Variants in KLHL13 observed in about 807,000 individuals in gnomAD.
KLHL13 encodes kelch like family member 13.
Under a neutral mutation model 37.1 loss-of-function variants are expected in KLHL13, and 10 were observed. That is an observed-to-expected ratio of 0.27 (90% confidence interval 0.17 to 0.46). The LOEUF is 0.46. Ranked by LOEUF, KLHL13 falls within the 20% of genes least tolerant of loss-of-function variation. The pLI is 1.00. For synonymous variants in KLHL13, 163 were observed against 181.2 expected, an observed-to-expected ratio of 0.90 and a Z score of 0.81; for missense variants, 360 against 509.3, an observed-to-expected ratio of 0.71 and a Z score of 2.82.
At chrX:117,971,528 C>T (rs1022780146) in intron 1 of KLHL13, among the ~76,000 whole-genome samples, 43 of 110,168 alleles carry the variant, frequency 3.9e-4, no homozygotes, top group African/African-American at 1.2e-3. Flanking sequence ...AAGTTTAACA[C>T]CCAAAGAGAT....
intron 1 of KLHL13, among the ~76,000 whole-genome samples, chrX:117,966,154 C>A (rs781325856): frequency 8.9e-6 from 1 of 111,791 alleles, no homozygotes; most frequent in Non-Finnish European, 1.9e-5. Context: ...ATCTAGAAAA[C>A]CCCATTGTCT....
chrX:118,003,254 A>C (rs5956842), intron 1 of KLHL13, among the ~76,000 whole-genome samples: 17,452 of 111,735 alleles, frequency 0.16, 1,802 homozygotes, highest in African/African-American at 0.38. Flanking sequence ...TAGTGGCTCA[A>C]GCCTGTAATC....
At chrX:117,970,887 A>T (rs1326004092) in intron 1 of KLHL13, among the ~76,000 whole-genome samples, 2 of 111,810 alleles carry the variant, frequency 1.8e-5, no homozygotes, top group Non-Finnish European at 3.8e-5. Context: ...GTCTGTTACA[A>T]TGTCAAAATA....
At chrX:117,981,779 A>AT (rs746778908) in intron 1 of KLHL13, among the ~76,000 whole-genome samples, 2 of 111,852 alleles carry the variant, frequency 1.8e-5, no homozygotes, top group African/African-American at 6.5e-5. Flanking sequence ...ACAGAACAAC[A>AT]TAACATGTAT....
chrX:118,067,922 CATTT>C (rs974704975), intron 1 of KLHL13, among the ~76,000 whole-genome samples: 2 of 111,849 alleles, frequency 1.8e-5, no homozygotes, highest in African/African-American at 6.5e-5. Context: ...GTAACACAGT[CATTT>C]ATTATCAAGT....
At chrX:117,937,385 CA>C (rs1310738950) in intron 2 of KLHL13, among the ~76,000 whole-genome samples, 4 of 111,651 alleles carry the variant, frequency 3.6e-5, no homozygotes, top group African/African-American at 1.3e-4. Context: ...AAATTATCTT[CA>C]AGTAACACAA....
At position 118,052,697 on chromosome X, in the gene KLHL13, C is replaced by T. The variant is rs748110323; in HGVS notation, c.-56+63811G>A. ...AACAAAATACAAAAAATTAGCTGGG[C>T]GCACCTGTAATCGCAGCTACTCAGG... On this transcript the variant is annotated intron_variant, in intron 1 of 6. Coordinates refer to the KLHL13 transcript ENST00000371882. Among the ~76,000 whole-genome samples, 11 of 108,635 alleles carry T rather than the reference C, an allele frequency of 1.0e-4. No homozygotes were observed. The East Asian group carries it at 2.6e-3, about 26-fold the overall frequency. The allele number at this position is 108,635 out of a possible 115,157, so 94.3% of individuals were successfully genotyped here.
upstream of KLHL13, among the ~76,000 whole-genome samples, chrX:118,117,081 G>A (rs2148202715): frequency 8.8e-6 from 1 of 113,167 alleles, no homozygotes; most frequent in South Asian, 3.6e-4. Flanking sequence ...GCTCTGGTGT[G>A]AGCCCACATG....
Position 117,964,731 on chromosome X carries a change from T to TC in KLHL13, c.98+7999dup, listed in dbSNP as rs200912719. ...TAGGCATATCTCCTAATGCTATCCA[T>TC]CCCCCCTTCCCCCACCCCATAACAG... On this transcript the variant is annotated intron_variant, in intron 1 of 6. Transcript: ENST00000262820. Among the ~76,000 whole-genome samples, 1,009 of 110,929 alleles carry TC rather than the reference T, an allele frequency of 9.1e-3. 17 individuals carry two copies. The highest frequency in any genetic ancestry group is 0.031 in the African/African-American group (935 of 30,454).
At chrX:117,910,620 T>A (rs952939912) in intron 4 of KLHL13, among the ~76,000 whole-genome samples, 5 of 111,835 alleles carry the variant, frequency 4.5e-5, no homozygotes, top group African/African-American at 1.6e-4. Context: ...TATCATTCAT[T>A]TTGGTTCCTT....
At chrX:117,908,189 T>C (rs923562373) in intron 5 of KLHL13, among the ~76,000 whole-genome samples, 1 of 108,851 alleles carries the variant, frequency 9.2e-6, no homozygotes, top group Non-Finnish European at 1.9e-5. Context: ...GCTTTCTTTC[T>C]TTCTTTCTTC....
At chrX:118,065,512 G>A (rs1411700572) in intron 1 of KLHL13, among the ~76,000 whole-genome samples, 1 of 111,338 alleles carries the variant, frequency 9.0e-6, no homozygotes, top group Non-Finnish European at 1.9e-5. Flanking sequence ...GGGAATTGGA[G>A]CAGAGCAATT....
At chrX:117,921,479 G>A (rs181602123) in intron 2 of KLHL13, among the ~76,000 whole-genome samples, 1 of 111,677 alleles carries the variant, frequency 9.0e-6, no homozygotes, top group African/African-American at 3.2e-5. Flanking sequence ...TACAAAAAAT[G>A]AACATTTTGG....
chrX:118,091,770 C>G, intron 1 of KLHL13, among the ~76,000 whole-genome samples: 1 of 110,797 alleles, frequency 9.0e-6, no homozygotes, highest in Admixed American at 9.7e-5. Flanking sequence ...CCATGCAAAT[C>G]CCAAATTGAA....
chrX:118,098,979 G>C (rs1221305307), intron 1 of KLHL13, among the ~76,000 whole-genome samples: 4 of 85,402 alleles, frequency 4.7e-5, no homozygotes, highest in Non-Finnish European at 9.1e-5. Context: ...GGGAGGGGGA[G>C]GGATAGCATT....
chrX:117,932,398 C>T (rs1049173970), intron 2 of KLHL13, among the ~76,000 whole-genome samples: 8 of 111,059 alleles, frequency 7.2e-5, no homozygotes, highest in African/African-American at 2.3e-4. Flanking sequence ...ATGAGATTAA[C>T]GTTTTTAGAT....
exon 1 of KLHL13, chrX:117,972,952 G>C (rs1244610230): frequency 9.2e-7 from 1 of 1,088,719 alleles, no homozygotes; most frequent in East Asian, 3.3e-5. Flanking sequence ...AAAGGATTCT[G>C]CCAGTGCCCT....
intron 1 of KLHL13, among the ~76,000 whole-genome samples, chrX:118,077,891 T>C (rs985795102): frequency 9.0e-6 from 1 of 111,728 alleles, no homozygotes; most frequent in Admixed American, 9.6e-5. Context: ...CAAAATGAGA[T>C]GGCATATATA....
upstream of KLHL13, among the ~76,000 whole-genome samples, chrX:117,977,583 GC>G (rs2053609525): frequency 9.0e-6 from 1 of 111,672 alleles, no homozygotes; most frequent in South Asian, 3.7e-4. Flanking sequence ...AAGACTAATA[GC>G]CCTAGCCAGA....
Sources: gnomAD v4.1 joint callset for allele counts (sites outside exome capture counted in the v4.1 genomes callset) on GRCh38, gnomAD v4.1.1 for gene constraint, MANE v1.5 for transcripts, NCBI Gene and HGNC (gene_info 2026-07-23, HGNC 2026-07-21) for gene names.